Variants in NUMB observed in about 807,000 individuals in gnomAD.
NUMB encodes the protein protein numb homolog.
Under a neutral mutation model 59.7 loss-of-function variants are expected in NUMB, and 29 were observed. That is an observed-to-expected ratio of 0.49 (90% CI 0.36 to 0.66). The LOEUF is 0.66. Among genes scored for constraint, NUMB ranks in the 30% least tolerant of loss-of-function variants. The probability of loss-of-function intolerance (pLI) is 0.00; values close to 1 mark genes in which losing one functional copy is unlikely to be tolerated. For missense variants in NUMB, 723 were observed against 822.0 expected, an observed-to-expected ratio of 0.88 and a Z score of 1.47; for synonymous variants, 288 against 288.2, an observed-to-expected ratio of 1.00 and a Z score of 0.01.
At chr14:73,364,529 A>T (rs775454429) in intron 3 of NUMB, among the ~76,000 whole-genome samples, 66 of 152,106 alleles carry the variant, frequency 4.3e-4, no homozygotes, top group Non-Finnish European at 5.0e-4. Context: ...TTAAAAAAAT[A>T]ATAAAAATAA....
Position 73,362,256 on chromosome 14 carries a change from C to CA in NUMB, c.-16+4640dup, listed in dbSNP as rs375674566. ...TAGGTGACAGAGTGATACCTTGTCT[C>CA]AAAAAAAAAATGCTACCAAAATTGT... is the stretch of plus-strand genomic sequence containing the variant. On this transcript the variant is annotated intron_variant, in intron 3 of 12. Transcript: ENST00000555238. 3.6e-3 allele frequency among the ~76,000 whole-genome samples: 528 copies of CA among 144,986 alleles called. 3 individuals carry two copies. Among genetic ancestry groups the CA allele is most frequent in the African/African-American group, 9.6e-3 (379 of 39,564 alleles).
chr14:73,377,972 CATATAG>C (rs1895039156), intron 2 of NUMB, among the ~76,000 whole-genome samples: 1 of 146,348 alleles, frequency 6.8e-6, no homozygotes, highest in Non-Finnish European at 1.5e-5. Context: ...CACATGCATA[CATATAG>C]ATATATATAT....
chr14:73,443,003 C>T (rs1163089793), intron 1 of NUMB, among the ~76,000 whole-genome samples: 1 of 152,118 alleles, frequency 6.6e-6, no homozygotes, highest in Non-Finnish European at 1.5e-5. Flanking sequence ...GCTGGGACTA[C>T]AAGCACATGC....
At chr14:73,398,384 GACAC>G (rs57541659) in intron 2 of NUMB, among the ~76,000 whole-genome samples, 19 of 141,238 alleles carry the variant, frequency 1.3e-4, no homozygotes, top group South Asian at 4.8e-4. Context: ...ATGAGAGAGA[GACAC>G]ACACAGAGAG....
At chr14:73,401,522 A>G (rs1207849359) in intron 2 of NUMB, among the ~76,000 whole-genome samples, 4 of 151,664 alleles carry the variant, frequency 2.6e-5, no homozygotes, top group Admixed American at 2.6e-4. Flanking sequence ...GAGCACATCC[A>G]TGTGTACAAC....
At chr14:73,303,912 C>T (rs1239576557) in intron 6 of NUMB, among the ~76,000 whole-genome samples, 1 of 152,050 alleles carries the variant, frequency 6.6e-6, no homozygotes, top group African/African-American at 2.4e-5. Flanking sequence ...ATAACTTTCT[C>T]AAGTAATTAC....
intron 1 of NUMB, among the ~76,000 whole-genome samples, chr14:73,417,496 G>A (rs1429863062): frequency 6.6e-6 from 1 of 151,388 alleles, no homozygotes; most frequent in Non-Finnish European, 1.5e-5. Context: ...GTTTCACTGT[G>A]AGCCAAGGTC....
chr14:73,280,953 C>T (rs998735028), intron 11 of NUMB, among the ~76,000 whole-genome samples: 1 of 152,028 alleles, frequency 6.6e-6, no homozygotes, highest in Non-Finnish European at 1.5e-5. Context: ...CTCAGCCTCC[C>T]TGTTGGGATT....
At chr14:73,286,002 T>TA (rs1022202240) in intron 9 of NUMB, among the ~76,000 whole-genome samples, 1 of 150,856 alleles carries the variant, frequency 6.6e-6, no homozygotes, top group South Asian at 2.1e-4. Context: ...AAGGTTATAG[T>TA]AAAAAAAATT....
At chr14:73,330,524 T>C (rs762778139) in intron 4 of NUMB, among the ~76,000 whole-genome samples, 19 of 152,176 alleles carry the variant, frequency 1.2e-4, no homozygotes, top group Non-Finnish European at 2.8e-4. Context: ...TTGGGCAAAT[T>C]ACACGACTTG....
intron 6 of NUMB, among the ~76,000 whole-genome samples, chr14:73,309,831 T>C (rs891897603): frequency 1.3e-5 from 2 of 151,038 alleles, no homozygotes. Flanking sequence ...AAATATAAAA[T>C]AGAATGTAGA....
At chr14:73,435,465 G>A (rs771068310) in intron 1 of NUMB, among the ~76,000 whole-genome samples, 9 of 151,262 alleles carry the variant, frequency 5.9e-5, no homozygotes, top group Non-Finnish European at 7.4e-5. Context: ...GAGTACAGAC[G>A]GGGTTTAACC....
At chr14:73,391,094 A>G (rs1895833004) in intron 2 of NUMB, among the ~76,000 whole-genome samples, 1 of 152,030 alleles carries the variant, frequency 6.6e-6, no homozygotes, top group South Asian at 2.1e-4. Context: ...CTGCTATATT[A>G]GATACTCTAC....
intron 4 of NUMB, among the ~76,000 whole-genome samples, chr14:73,354,192 AAT>A (rs1204680483): frequency 6.6e-6 from 1 of 152,096 alleles, no homozygotes; most frequent in Non-Finnish European, 1.5e-5. Flanking sequence ...GGAGGAAGAA[AAT>A]CATAAGAATA....
At chr14:73,360,039 T>C (rs1056487305) in intron 3 of NUMB, among the ~76,000 whole-genome samples, 1 of 152,202 alleles carries the variant, frequency 6.6e-6, no homozygotes, top group Non-Finnish European at 1.5e-5. Context: ...CTGTTGTCCC[T>C]CTCTCATCAA....
chr14:73,376,809 T>A (rs1362949943), intron 2 of NUMB, among the ~76,000 whole-genome samples: 1 of 152,152 alleles, frequency 6.6e-6, no homozygotes, highest in Admixed American at 6.6e-5. Flanking sequence ...TCCAGGAGTT[T>A]GAGATTACAG....
At chr14:73,414,465 C>A (rs1897034295) in intron 1 of NUMB, among the ~76,000 whole-genome samples, 1 of 152,128 alleles carries the variant, frequency 6.6e-6, no homozygotes. Flanking sequence ...GTGATCATGG[C>A]TCACTGCAAC....
At chr14:73,318,109 C>A (rs1328567392) in intron 5 of NUMB, among the ~76,000 whole-genome samples, 1 of 152,144 alleles carries the variant, frequency 6.6e-6, no homozygotes, top group Non-Finnish European at 1.5e-5. Flanking sequence ...AGTTTGGTGA[C>A]CCTAGTTTTG....
In NUMB at chr14:73,276,564, G is replaced by A; in HGVS notation, c.*14C>T. 1.3e-6 allele frequency: 2 copies of A among 1,596,654 alleles called. No homozygotes were observed. Among genetic ancestry groups the A allele is most frequent in the Non-Finnish European group, 1.7e-6 (2 of 1,166,562 alleles). On this transcript the variant is annotated 3_prime_UTR_variant, in exon 13 of 13. Transcript: ENST00000555238. ...CTGTCTGGTATGGACAAGATACATAGCCATAATGATTGCTTAAAGTTCAAT... is the reference window on the plus strand; with the variant it reads ...CTGTCTGGTATGGACAAGATACATAACCATAATGATTGCTTAAAGTTCAAT...
Sources: gnomAD v4.1 joint callset for allele counts (sites outside exome capture counted in the v4.1 genomes callset) on GRCh38, gnomAD v4.1.1 for gene constraint, MANE v1.5 for transcripts, NCBI Gene and HGNC (gene_info 2026-07-23, HGNC 2026-07-21) for gene names.